The following CPLANE1 variants were observed in gnomAD, a reference collection of about 807,000 sequenced individuals.
The protein encoded by CPLANE1 is ciliogenesis and planar polarity effector 1.
A neutral mutation model predicts 362.5 loss-of-function variants in CPLANE1; 263 were observed. The ratio of observed to expected loss-of-function variants is 0.73; its 90% CI spans 0.66 to 0.80. The LOEUF (loss-of-function observed/expected upper bound fraction) is 0.80, where lower values mean the gene tolerates loss of function less well. Among genes scored for constraint, CPLANE1 ranks in the 30% least tolerant of loss-of-function variants. The probability of loss-of-function intolerance (pLI) is 0.00; values close to 1 mark genes in which losing one functional copy is unlikely to be tolerated. For missense variants in CPLANE1, 3,461 were observed against 3,793.4 expected (o/e 0.91, Z 2.30); for synonymous variants, 1,212 against 1,302.6 (o/e 0.93, Z 1.50).
At chr5:37,247,283 G>A (rs540536730) in intron 2 of CPLANE1, among the ~76,000 whole-genome samples, 3 of 152,278 alleles carry the variant, frequency 2.0e-5, no homozygotes, top group Non-Finnish European at 4.4e-5. Flanking sequence ...AACTGTTCCA[G>A]TAAAGGAAAG....
In CPLANE1 at chr5:37,215,739, CTTTTTTTTTTTTTT is replaced by C. The variant is rs567527656; in HGVS notation, c.2747-2021_2747-2008del. On this transcript the variant is annotated intron_variant, in intron 15 of 52. Transcript: ENST00000651892. ...TATTTCCCGTTTTTCCTTCTCTTTC[CTTTTTTTTTTTTTT>C]TTTTTTTTTTGAAGATAAACGGGGC... is the stretch of plus-strand genomic sequence containing the variant. Among the ~76,000 whole-genome samples the C allele has an allele frequency of 1.2e-3, 110 of 95,202 alleles. 1 individual carries two copies. The highest frequency in any genetic ancestry group is 0.017 in the Middle Eastern group (2 of 118). The allele number at this position is 95,202 out of a possible 152,430, so 62.5% of individuals were successfully genotyped here. A position where few individuals can be genotyped will look rare whatever the true frequency, so the allele number is the denominator to read the frequency against.
At chr5:37,137,604 T>C (rs1768116166) in intron 46 of CPLANE1, among the ~76,000 whole-genome samples, 1 of 152,196 alleles carries the variant, frequency 6.6e-6, no homozygotes, top group Non-Finnish European at 1.5e-5. Flanking sequence ...TGTAATTAAC[T>C]CACAGTTCAG....
In CPLANE1 at chr5:37,122,441, A is replaced by G. The variant is rs1762924532; in HGVS notation, c.9006T>C (p.His3002=). 1 of 1,613,142 alleles carries G rather than the reference A, an allele frequency of 6.2e-7. No individual in the cohort carries two copies. The highest frequency in any genetic ancestry group is 8.5e-7 in the Non-Finnish European group (1 of 1,179,710). ...REIRLRQKMK[H]EKDRLLLSEH... The stretch of plus-strand genomic sequence containing the variant: ...GCTACCAAACTCACCTGTCTTTTTC[A>G]TGCTTCATCTTTTGTCTCAGCCTTA... Residue 3002 remains histidine, a synonymous_variant, in exon 48 of 53, where the codon CAT becomes CAC. Coordinates refer to ENST00000651892, the MANE Select transcript of CPLANE1 (RefSeq NM_001384732.1).
At chr5:37,185,592 G>A (rs1783762994) in intron 24 of CPLANE1, among the ~76,000 whole-genome samples, 1 of 151,742 alleles carries the variant, frequency 6.6e-6, no homozygotes, top group Non-Finnish European at 1.5e-5. Context: ...ATATTTTAGA[G>A]GATGTCAAAA....
chr5:37,248,512 ATC>A (rs1740618299), intron 1 of CPLANE1, among the ~76,000 whole-genome samples: 1 of 149,082 alleles, frequency 6.7e-6, no homozygotes, highest in African/African-American at 2.6e-5. Flanking sequence ...ACAAAGATCT[ATC>A]AAGATGCTAG....
intron 14 of CPLANE1, among the ~76,000 whole-genome samples, chr5:37,223,235 T>A (rs1795737558): frequency 6.6e-6 from 1 of 152,206 alleles, no homozygotes; most frequent in African/African-American, 2.4e-5. Flanking sequence ...GTCATTCCCA[T>A]GACCTTAATT....
chr5:37,183,551 C>A lies in CPLANE1; in HGVS notation c.4630G>T (p.Glu1544Ter). 6.2e-7 allele frequency: 1 copy of A among 1,613,432 alleles called. No individual in the cohort carries two copies. The highest frequency in any genetic ancestry group is 1.1e-5 in the South Asian group (1 of 90,972). Reference protein sequence around the residue: ...TLPVIGVWEFERDDDEYIKFL... With the variant: ...TLPVIGVWEF The stretch of plus-strand genomic sequence containing the variant: ...TTAATATATTCATCATCATCACGTT[C>A]AAATTCCCAAACACCTATTACAGGA... The change falls in exon 26 of 53, where the codon GAA becomes TAA. Residue 1544 changes from glutamate (E) to a stop codon, truncating the protein, a stop_gained. Transcript: ENST00000651892. LOFTEE classifies it high-confidence loss of function.
intron 8 of CPLANE1, among the ~76,000 whole-genome samples, chr5:37,236,737 A>G (rs79220381): frequency 6.6e-6 from 1 of 151,780 alleles, no homozygotes; most frequent in Non-Finnish European, 1.5e-5. Flanking sequence ...AAAAAAAAAA[A>G]CCTCATTAAA....
Position 37,153,907 on chromosome 5 carries a change from C to A in CPLANE1, c.8206G>T (p.Gly2736Cys). 1 of 1,614,078 alleles carries A rather than the reference C, an allele frequency of 6.2e-7. No homozygotes were observed. The highest frequency in any genetic ancestry group is 8.5e-7 in the Non-Finnish European group (1 of 1,180,000). The stretch of plus-strand genomic sequence containing the variant: ...GGTGCAGGGCAAGCTGCAGAGACAC[C>A]TTGCAGCCGTTTCCACAATAGATAA... ...EDYLLWKRLQ[G>C]VSAACPAPSS... The change falls in exon 42 of 53, where the codon GGT (glycine) becomes TGT (cysteine). Residue 2736 changes from glycine (G) to cysteine (C), a missense_variant. By Grantham distance (159) the Gly-to-Cys change is radical. This residue lies in a region of CPLANE1 where 3,380 missense variants were observed against 3,666.1 expected (regional missense o/e 0.92). Transcript: ENST00000651892.
chr5:37,168,502 A>G (rs867365756), intron 34 of CPLANE1, among the ~76,000 whole-genome samples: 4 of 148,174 alleles, frequency 2.7e-5, no homozygotes, highest in African/African-American at 1.0e-4. Flanking sequence ...CCTTTAAAAT[A>G]CACAATTTTT....
chr5:37,177,582 A>G (rs1379134698), intron 30 of CPLANE1, 39 bp downstream of exon 30: 1 of 1,420,530 alleles, frequency 7.0e-7, no homozygotes, highest in Non-Finnish European at 9.9e-7. Context: ...TCACTGAGGT[A>G]ACCAGTGACA....
In CPLANE1 at chr5:37,186,323, G is replaced by A; in HGVS notation, c.4152C>T (p.His1384=). ...DVRVPLRDKY[H]SLHQRLRHCV... ...AGTGTCTGAGTCTCTGGTGAAGAGAGTGATATTTGTCTCTTAAAGGAACCC... is the reference window on the plus strand; with the variant it reads ...AGTGTCTGAGTCTCTGGTGAAGAGAATGATATTTGTCTCTTAAAGGAACCC... Residue 1384 remains histidine, a synonymous_variant, in exon 24 of 53, where the codon CAC becomes CAT. Transcript: ENST00000651892. 6 of 1,596,988 alleles carry A rather than the reference G, an allele frequency of 3.8e-6. No homozygotes were observed. The highest frequency in any genetic ancestry group is 5.2e-6 in the Non-Finnish European group (6 of 1,164,638).
chr5:37,076,073 T>TATCA, the CPLANE1 span, among the ~76,000 whole-genome samples: 9 of 151,656 alleles, frequency 5.9e-5, no homozygotes, highest in Non-Finnish European at 1.0e-4. Context: ...GTGAAACCCC[T>TATCA]ATCAATCACT....
At chr5:37,225,852 CAAAAAAAAAA>C (rs70976285) in intron 12 of CPLANE1, among the ~76,000 whole-genome samples, 3 of 57,778 alleles carry the variant, frequency 5.2e-5, no homozygotes, top group African/African-American at 1.9e-4. Flanking sequence ...TACTCCATCT[CAAAAAAAAAA>C]AAAAAAAAAA....
rs372655878 is a variant in CPLANE1, at chr5:37,167,149, A to G, written c.7298T>C (p.Leu2433Pro). The change falls in exon 35 of 53, where the codon CTA (leucine) becomes CCA (proline). Residue 2433 changes from leucine to proline, a missense_variant. By Grantham distance (98) the Leu-to-Pro change is moderately conservative (BLOSUM62 -3). Transcript: ENST00000651892. Reference sequence around the variant, plus strand: ...ACCTTGTTCAAATAAATTATGTGTTAGTTTCTGTTGGCTTTGTTTAAACGC... The same window carrying G: ...ACCTTGTTCAAATAAATTATGTGTTGGTTTCTGTTGGCTTTGTTTAAACGC... ...LIAFKQSQQK[L>P]THNLFEQGDA... 149 of 1,613,372 alleles carry G rather than the reference A, an allele frequency of 9.2e-5. 3 individuals are homozygous for G. In the East Asian group the frequency reaches 1.3e-3, roughly 15 times the overall value.
the CPLANE1 span, among the ~76,000 whole-genome samples, chr5:37,097,113 C>G: frequency 6.6e-6 from 1 of 152,096 alleles, no homozygotes; most frequent in East Asian, 1.9e-4. Context: ...CTTTAAGAGG[C>G]AGAGATGGAA....
At position 37,185,063 on chromosome 5, in the gene CPLANE1, T is replaced by C; in HGVS notation, c.4206A>G (p.Glu1402=). The C allele has an allele frequency of 6.2e-7, 1 of 1,612,168 alleles. No homozygotes were observed. Among genetic ancestry groups the C allele is most frequent in the Non-Finnish European group, 8.5e-7 (1 of 1,179,294 alleles). The part of the protein sequence containing the change: ...HCVVKGPQTE[E]MMSVVMHSIQ... ...TAGAATGCATGACAACAGACATCAT[T>C]TCCTCAGTCTGGGGTCCTGGAAAGA... is the stretch of plus-strand genomic sequence containing the variant. Residue 1402 remains glutamate (E), a synonymous_variant, in exon 25 of 53, where the codon GAA becomes GAG. Transcript: ENST00000651892.
chr5:37,161,404 G>T (rs1362199054), intron 38 of CPLANE1, among the ~76,000 whole-genome samples: 1 of 151,956 alleles, frequency 6.6e-6, no homozygotes, highest in Admixed American at 6.6e-5. Context: ...TACATATAAA[G>T]CATTTTAAAT....
In CPLANE1 at chr5:37,239,863, C is replaced by A; in HGVS notation, c.684G>T (p.Leu228Phe). 4 of 1,467,666 alleles carry A rather than the reference C, an allele frequency of 2.7e-6. No individual in the cohort carries two copies. The highest frequency in any genetic ancestry group is 2.5e-5 in the East Asian group (1 of 39,218). The allele number at this position is 1,467,666 out of a possible 1,614,324, so 90.9% of individuals were successfully genotyped here. ...HENVFTSVRS[L>F]PYHVHWAQQD... ...GTTGAGCCCAATGAACATGGTATGGCAATGATCTAAAAAAGTAATGAAATA... is the reference window on the plus strand; with the variant it reads ...GTTGAGCCCAATGAACATGGTATGGAAATGATCTAAAAAAGTAATGAAATA... Residue 228 changes from leucine to phenylalanine, a missense_variant, in exon 7 of 53, where the codon TTG (leucine) becomes TTT (phenylalanine). Physicochemically the swap from Leu to Phe is conservative, Grantham distance 22. Coordinates refer to ENST00000651892, the MANE Select transcript of CPLANE1 (RefSeq NM_001384732.1).
Sources: gnomAD v4.1 joint callset for allele counts (sites outside exome capture counted in the v4.1 genomes callset) on GRCh38, gnomAD v4.1.1 for gene constraint, gnomAD v4.1.1 regional missense constraint, MANE v1.5 for transcripts, NCBI Gene and HGNC (gene_info 2026-07-23, HGNC 2026-07-21) for gene names.